Variants in KCNB2 observed in about 807,000 individuals in gnomAD.
The protein encoded by KCNB2 is potassium voltage-gated channel subfamily B member 2, also known as delayed rectifier potassium channel protein.
KCNB2 carries 15 observed loss-of-function variants against 61.5 expected under a neutral mutation model. The observed-to-expected ratio is 0.24, with a 90% CI of 0.16 to 0.38. KCNB2 has a LOEUF of 0.38. Among genes scored for constraint, KCNB2 ranks in the 10% least tolerant of loss-of-function variants. The probability of loss-of-function intolerance (pLI) is 1.00; values close to 1 mark genes in which losing one functional copy is unlikely to be tolerated. For missense variants in KCNB2, 828 were observed against 1,125.2 expected, an observed-to-expected ratio of 0.74 and a Z score of 3.78; for synonymous variants, 457 against 446.0, an observed-to-expected ratio of 1.02 and a Z score of -0.31.
At chr8:72,839,862 C>T (rs1175721016) in intron 2 of KCNB2, among the ~76,000 whole-genome samples, 1 of 151,742 alleles carries the variant, frequency 6.6e-6, no homozygotes, top group Admixed American at 6.6e-5. Flanking sequence ...ATCCACCCGC[C>T]TCCGCCTCCC....
At chr8:72,779,707 A>C (rs549083084) in intron 2 of KCNB2, among the ~76,000 whole-genome samples, 1 of 152,276 alleles carries the variant, frequency 6.6e-6, no homozygotes, top group Middle Eastern at 3.4e-3. Context: ...TTTAGAATAG[A>C]AAATTACTGA....
chr8:72,842,481 A>G (rs887815117), intron 2 of KCNB2, among the ~76,000 whole-genome samples: 2 of 151,824 alleles, frequency 1.3e-5, no homozygotes, highest in Admixed American at 6.6e-5. Context: ...CTCTTTTTCT[A>G]TTGTTTGGAA....
intron 2 of KCNB2, among the ~76,000 whole-genome samples, chr8:72,851,831 A>AAAAAAAAAAAAAAAC (rs1810118012): frequency 7.1e-6 from 1 of 140,360 alleles, no homozygotes; most frequent in Non-Finnish European, 1.5e-5. Flanking sequence ...TGTAGGAAAA[A>AAAAAAAAAAAAAAAC]AAAAAAAAAA....
intron 2 of KCNB2, among the ~76,000 whole-genome samples, chr8:72,619,538 T>C (rs1209844967): frequency 6.6e-6 from 1 of 151,012 alleles, no homozygotes; most frequent in Non-Finnish European, 1.5e-5. Flanking sequence ...TCCATTTTTT[T>C]TTTTTTTAAT....
chr8:72,716,513 C>T (rs1303017859), intron 2 of KCNB2, among the ~76,000 whole-genome samples: 2 of 152,290 alleles, frequency 1.3e-5, no homozygotes, highest in East Asian at 3.9e-4. Context: ...TCAACATACG[C>T]AAATCAATAA....
intron 2 of KCNB2, among the ~76,000 whole-genome samples, chr8:72,579,790 T>G (rs1274914606): frequency 2.0e-5 from 3 of 152,244 alleles, no homozygotes; most frequent in Admixed American, 1.3e-4. Flanking sequence ...AACTTCCTAG[T>G]ATCATCAGAG....
chr8:72,689,102 G>A (rs1806901422), intron 2 of KCNB2, among the ~76,000 whole-genome samples: 1 of 152,134 alleles, frequency 6.6e-6, no homozygotes, highest in Non-Finnish European at 1.5e-5. Flanking sequence ...TAAATAAATG[G>A]TATAGATGGA....
chr8:72,924,448 A>G (rs1290390542), intron 2 of KCNB2, among the ~76,000 whole-genome samples: 1 of 152,164 alleles, frequency 6.6e-6, no homozygotes, highest in African/African-American at 2.4e-5. Flanking sequence ...GAATCTTGCT[A>G]AAATGCAGAT....
chr8:72,898,460 AC>A (rs1353228126), intron 2 of KCNB2, among the ~76,000 whole-genome samples: 1 of 152,090 alleles, frequency 6.6e-6, no homozygotes, highest in Non-Finnish European at 1.5e-5. Context: ...AGAAAAAAAA[AC>A]ATTGGAAAGC....
At chr8:72,736,093 T>C (rs1440642061) in intron 2 of KCNB2, among the ~76,000 whole-genome samples, 1 of 152,174 alleles carries the variant, frequency 6.6e-6, no homozygotes, top group Admixed American at 6.6e-5. Flanking sequence ...CAAAACTCAC[T>C]TGACAGCAAA....
intron 2 of KCNB2, among the ~76,000 whole-genome samples, chr8:72,662,543 A>G (rs536033365): frequency 6.6e-6 from 1 of 152,302 alleles, no homozygotes; most frequent in East Asian, 1.9e-4. Context: ...AAGAGCAGCA[A>G]TGTCACACTA....
At chr8:72,867,626 G>T (rs1456851689) in intron 2 of KCNB2, among the ~76,000 whole-genome samples, 1 of 152,170 alleles carries the variant, frequency 6.6e-6, no homozygotes, top group African/African-American at 2.4e-5. Flanking sequence ...AGCTACATTT[G>T]TCATGAATAT....
intron 2 of KCNB2, among the ~76,000 whole-genome samples, chr8:72,653,834 G>A (rs1304562593): frequency 6.6e-6 from 1 of 152,160 alleles, no homozygotes; most frequent in African/African-American, 2.4e-5. Flanking sequence ...TTATATACTT[G>A]TTGAATATTT....
At chr8:72,920,381 G>A (rs59246560) in intron 2 of KCNB2, among the ~76,000 whole-genome samples, 5,581 of 149,276 alleles carry the variant, frequency 0.037, 366 homozygotes, top group African/African-American at 0.13. Flanking sequence ...CACTTTGGGA[G>A]GTCAAGGCAG....
chr8:72,933,185 AG>A (rs1806826538), intron 2 of KCNB2, among the ~76,000 whole-genome samples: 1 of 152,212 alleles, frequency 6.6e-6, no homozygotes, highest in East Asian at 1.9e-4. Flanking sequence ...TAAATTTCCA[AG>A]TGTTAAAGTG....
intron 2 of KCNB2, among the ~76,000 whole-genome samples, chr8:72,740,833 A>G (rs1807941497): frequency 1.3e-5 from 2 of 152,180 alleles, no homozygotes; most frequent in African/African-American, 4.8e-5. Context: ...ACTATTTTTT[A>G]ATATTGACAG....
intron 2 of KCNB2, among the ~76,000 whole-genome samples, chr8:72,823,655 C>G (rs924725310): frequency 6.6e-6 from 1 of 152,204 alleles, no homozygotes; most frequent in Admixed American, 6.5e-5. Flanking sequence ...ATAATTATAG[C>G]TCACATTTAT....
intron 2 of KCNB2, among the ~76,000 whole-genome samples, chr8:72,702,479 T>C (rs533738477): frequency 6.6e-6 from 1 of 152,214 alleles, no homozygotes; most frequent in African/African-American, 2.4e-5. Flanking sequence ...TTGTGTTATG[T>C]CCCCCAGAGT....
At chr8:72,682,567 G>A (rs900807906) in intron 2 of KCNB2, among the ~76,000 whole-genome samples, 30 of 149,304 alleles carry the variant, frequency 2.0e-4, no homozygotes, top group African/African-American at 6.7e-4. Context: ...AGTTGTCCAG[G>A]AAGTCATGGA....
Sources: allele counts gnomAD v4.1 joint callset (sites outside exome capture counted in the v4.1 genomes callset), GRCh38; gene constraint gnomAD v4.1.1; transcripts MANE v1.5; gene names NCBI Gene and HGNC (gene_info 2026-07-23, HGNC 2026-07-21).